The following SLC24A2 variants were observed in gnomAD, a reference collection of about 807,000 sequenced individuals.
SLC24A2 encodes the protein sodium/potassium/calcium exchanger 2.
Under a neutral mutation model 62.0 loss-of-function variants are expected in SLC24A2, and 36 were observed. The observed-to-expected ratio is 0.58, with a 90% CI of 0.44 to 0.77. The LOEUF (loss-of-function observed/expected upper bound fraction) is 0.77, where lower values mean the gene tolerates loss of function less well. Ranked by LOEUF, SLC24A2 falls within the 30% of genes least tolerant of loss-of-function variation. The probability of loss-of-function intolerance (pLI) is 0.00; values close to 1 mark genes in which losing one functional copy is unlikely to be tolerated. For synonymous variants in SLC24A2, 358 were observed against 294.0 expected, an observed-to-expected ratio of 1.22 and a Z score of -2.23; for missense variants, 846 against 817.9, an observed-to-expected ratio of 1.03 and a Z score of -0.42.
the SLC24A2 span, among the ~76,000 whole-genome samples, chr9:20,235,863 T>C: frequency 8.6e-5 from 13 of 151,892 alleles, no homozygotes; most frequent in African/African-American, 3.2e-4. Flanking sequence ...CCATTCGGCC[T>C]TCTTGGCTCC....
At chr9:19,671,409 C>G (rs907459114) in intron 2 of SLC24A2, among the ~76,000 whole-genome samples, 14 of 151,330 alleles carry the variant, frequency 9.3e-5, no homozygotes, top group African/African-American at 3.1e-4. Flanking sequence ...AATTTTGTGT[C>G]CTGAGACTCT....
chr9:19,577,226 C>T (rs1042980502), intron 5 of SLC24A2, among the ~76,000 whole-genome samples: 3 of 152,168 alleles, frequency 2.0e-5, no homozygotes, highest in East Asian at 3.9e-4. Flanking sequence ...TTGAGAATCT[C>T]TTCCCTCCCT....
At chr9:20,195,313 A>G in the SLC24A2 span, among the ~76,000 whole-genome samples, 9 of 152,216 alleles carry the variant, frequency 5.9e-5, 1 homozygote, top group Admixed American at 5.2e-4. Context: ...AGGCATTTAT[A>G]GTCCAATCAG....
the SLC24A2 span, among the ~76,000 whole-genome samples, chr9:20,003,585 A>G: frequency 0.46 from 69,942 of 151,862 alleles, 16,913 homozygotes; most frequent in African/African-American, 0.56. Flanking sequence ...ACGGGGTATG[A>G]TTAAATAAAT....
chr9:19,942,694 C>T, the SLC24A2 span, among the ~76,000 whole-genome samples: 1 of 152,110 alleles, frequency 6.6e-6, no homozygotes, highest in Non-Finnish European at 1.5e-5. Flanking sequence ...ATCCTAAGGC[C>T]ACCATTTATG....
chr9:19,832,710 G>A, the SLC24A2 span, among the ~76,000 whole-genome samples: 11 of 152,172 alleles, frequency 7.2e-5, no homozygotes, highest in East Asian at 9.6e-4. Context: ...AACACCAAAA[G>A]CAATGGCAAC....
chr9:20,274,153 T>C, the SLC24A2 span, among the ~76,000 whole-genome samples: 1 of 152,094 alleles, frequency 6.6e-6, no homozygotes, highest in Non-Finnish European at 1.5e-5. Context: ...TATTCTAGTG[T>C]GTGGGTGGGT....
At chr9:20,087,982 T>G in the SLC24A2 span, among the ~76,000 whole-genome samples, 1 of 152,114 alleles carries the variant, frequency 6.6e-6, no homozygotes, top group East Asian at 1.9e-4. Flanking sequence ...GGTCAGGAGA[T>G]CCCCTCGTGA....
chr9:20,162,511 C>T, the SLC24A2 span, among the ~76,000 whole-genome samples: 1 of 151,954 alleles, frequency 6.6e-6, no homozygotes, highest in Admixed American at 6.6e-5. Context: ...CAAAAAGAGT[C>T]CAGGACCAGA....
chr9:20,003,356 C>G, the SLC24A2 span, among the ~76,000 whole-genome samples: 1 of 152,170 alleles, frequency 6.6e-6, no homozygotes, highest in Non-Finnish European at 1.5e-5. Flanking sequence ...GGTGAGCATG[C>G]TATTGTCAGA....
the SLC24A2 span, among the ~76,000 whole-genome samples, chr9:20,139,614 G>A: frequency 6.6e-6 from 1 of 152,172 alleles, no homozygotes; most frequent in Non-Finnish European, 1.5e-5. Context: ...ATGAAGCTAT[G>A]TGCAAGATGC....
chr9:20,043,901 C>T, the SLC24A2 span, among the ~76,000 whole-genome samples: 8,977 of 152,178 alleles, frequency 0.059, 349 homozygotes, highest in Non-Finnish European at 0.091. Context: ...GGGTAAAATG[C>T]TATCAAACAG....
At chr9:19,738,791 A>T (rs2118754587) in intron 2 of SLC24A2, among the ~76,000 whole-genome samples, 1 of 152,290 alleles carries the variant, frequency 6.6e-6, no homozygotes, top group South Asian at 2.1e-4. Flanking sequence ...GAAGATGAAA[A>T]AATTAAAAAA....
chr9:20,131,738 G>T, the SLC24A2 span, among the ~76,000 whole-genome samples: 1 of 152,086 alleles, frequency 6.6e-6, no homozygotes, highest in Non-Finnish European at 1.5e-5. Flanking sequence ...AAAGACAAGG[G>T]TCCCTCTAAA....
Position 19,521,279 on chromosome 9 carries a change from A to T in SLC24A2, c.1570-219T>A, listed in dbSNP as rs879362299. ...TCAGGAATGTTCACATGAAAATTAAACAGATAATCTCAAAAAAGAGCTCTA... is the reference window on the plus strand; with the variant it reads ...TCAGGAATGTTCACATGAAAATTAATCAGATAATCTCAAAAAAGAGCTCTA... On this transcript the variant is annotated intron_variant, in intron 9 of 10. Coordinates refer to ENST00000341998, the MANE Select transcript of SLC24A2 (RefSeq NM_020344.4). Among the ~76,000 whole-genome samples the T allele has an allele frequency of 4.6e-5, 7 of 152,242 alleles. No individual in the cohort carries two copies. In the East Asian group the frequency reaches 1.3e-3, roughly 29 times the overall value.
intron 7 of SLC24A2, among the ~76,000 whole-genome samples, chr9:19,558,906 G>C (rs1416246351): frequency 6.6e-6 from 1 of 152,184 alleles, no homozygotes; most frequent in Admixed American, 6.5e-5. Context: ...AGGCTCCTAG[G>C]AGAAGACATC....
chr9:19,751,416 T>C (rs544618989), intron 2 of SLC24A2, among the ~76,000 whole-genome samples: 2 of 152,262 alleles, frequency 1.3e-5, no homozygotes, highest in African/African-American at 4.8e-5. Context: ...TTTCAAAATT[T>C]AAAAGTCTTG....
chr9:19,544,719 G>A (rs1383290800), intron 8 of SLC24A2, among the ~76,000 whole-genome samples: 1 of 152,126 alleles, frequency 6.6e-6, no homozygotes, highest in African/African-American at 2.4e-5. Context: ...GAAATTCTGG[G>A]TTGAAAATTC....
chr9:19,995,057 T>C, the SLC24A2 span, among the ~76,000 whole-genome samples: 2 of 148,726 alleles, frequency 1.3e-5, no homozygotes, highest in Non-Finnish European at 3.0e-5. Context: ...ATTTAACCCC[T>C]GTGGTAGTTA....
Sources: allele counts gnomAD v4.1 joint callset (sites outside exome capture counted in the v4.1 genomes callset), GRCh38; gene constraint gnomAD v4.1.1; transcripts MANE v1.5; gene names NCBI Gene and HGNC (gene_info 2026-07-23, HGNC 2026-07-21).